Variants in DELE1 observed in about 807,000 individuals in gnomAD.
DELE1 encodes the protein DAP3 binding cell death enhancer 1, also known as death ligand signal enhancer.
In DELE1, 54 loss-of-function variants were observed where a neutral mutation model predicts 59.3. That is an observed-to-expected ratio of 0.91 (90% CI 0.73 to 1.14). The LOEUF is 1.14. DELE1 is among the 50% of genes most tolerant of loss of function. The pLI, the probability that DELE1 is intolerant of heterozygous loss-of-function variation, is 0.00. For missense variants in DELE1, 636 were observed against 643.9 expected, an observed-to-expected ratio of 0.99 and a Z score of 0.13; for synonymous variants, 264 against 259.1, an observed-to-expected ratio of 1.02 and a Z score of -0.18.
intron 11 of DELE1, 125 bp from the exon 12 acceptor site, chr5:141,938,396 A>G (rs1752533954): frequency 1.4e-6 from 2 of 1,432,944 alleles, no homozygotes; most frequent in African/African-American, 1.4e-5. Flanking sequence ...CTGCTCACTC[A>G]TGAGTCACTG....
Position 141,925,848 on chromosome 5 carries a change from T to A in DELE1, c.264+321T>A, listed in dbSNP as rs1457611697. ...TTACAATAAATAATAATACATTGCA[T>A]CTTTTTTTTATTATTCATTTTTTTT... On this transcript the variant is annotated intron_variant, in intron 3 of 11. Transcript: ENST00000432126. Among the ~76,000 whole-genome samples the A allele has an allele frequency of 5.8e-5, 5 of 86,308 alleles. No individual in the cohort carries two copies. In the South Asian group the frequency reaches 2.5e-3, roughly 43 times the overall value. The allele number at this position is 86,308 out of a possible 152,430, so 56.6% of individuals were successfully genotyped here. A position where few individuals can be genotyped will look rare whatever the true frequency, so the allele number is the denominator to read the frequency against.
At chr5:141,925,646 C>T (rs753656209) in intron 3 of DELE1, 119 bp downstream of exon 3, 1 of 562,050 alleles carries the variant, frequency 1.8e-6, no homozygotes, top group Non-Finnish European at 3.1e-6. Context: ...AACAAGTAAC[C>T]CATGGTATTG....
chr5:141,929,555 C>T, intron 4 of DELE1, 27 bp from the exon 5 acceptor site: 1 of 1,610,222 alleles, frequency 6.2e-7, no homozygotes. Context: ...TGGCCCAGAC[C>T]TGACTACTCT....
intron 10 of DELE1, among the ~76,000 whole-genome samples, chr5:141,936,633 C>T (rs1425259375): frequency 2.6e-5 from 4 of 152,294 alleles, no homozygotes; most frequent in African/African-American, 9.6e-5. Context: ...CGGGGTTTCA[C>T]TATGTTGGGC....
rs763047389 is a variant in DELE1, at chr5:141,938,567, C to T, written c.1356C>T (p.Ser452=). 1 of 1,614,142 alleles carries T rather than the reference C, an allele frequency of 6.2e-7. No individual in the cohort carries two copies. Among genetic ancestry groups the T allele is most frequent in the South Asian group, 1.1e-5 (1 of 91,078 alleles). ...CAGTTACAGGACTGAAGTCTTTCTCCAGCCCCTCCCTCTGCAGCTTGAACA... is the reference window on the plus strand; with the variant it reads ...CAGTTACAGGACTGAAGTCTTTCTCTAGCCCCTCCCTCTGCAGCTTGAACA... The part of the protein sequence containing the change: ...DLTVTGLKSF[S]SPSLCSLNTL... Residue 452 remains serine, a synonymous_variant, in exon 12 of 12, where the codon TCC becomes TCT. Coordinates refer to ENST00000432126, the MANE Select transcript of DELE1 (RefSeq NM_014773.5).
In DELE1 at chr5:141,940,056, T is replaced by G; in HGVS notation, c.*1297T>G. ...GTAAATGTAGATTGAATGCTAGGAG[T>G]CTTAAAGCTGGAGAGTATAGATTTT... On this transcript the variant is annotated 3_prime_UTR_variant, in exon 12 of 12. Coordinates refer to ENST00000432126, the MANE Select transcript of DELE1 (RefSeq NM_014773.5). 1 of 985,224 alleles carries G rather than the reference T, an allele frequency of 1.0e-6. No individual in the cohort carries two copies. The highest frequency in any genetic ancestry group is 1.2e-6 in the Non-Finnish European group (1 of 829,832). 61.0% of individuals were successfully genotyped at this position (985,224 alleles called of 1,614,324 possible).
chr5:141,928,381 A>G, intron 4 of DELE1, 83 bp downstream of exon 4: 2 of 1,460,572 alleles, frequency 1.4e-6, no homozygotes, highest in Non-Finnish European at 9.2e-7. Flanking sequence ...ACCTCAGGAA[A>G]AGAGCCATCA....
At chr5:141,937,464 G>C in intron 11 of DELE1, 107 bp downstream of exon 11, 1 of 1,336,532 alleles carries the variant, frequency 7.5e-7, no homozygotes. Flanking sequence ...TCCAACCCCA[G>C]TGGTGGCTAA....
chr5:141,933,810 T>A (rs1459050096), intron 8 of DELE1: 1 of 157,860 alleles, frequency 6.3e-6, no homozygotes, highest in Non-Finnish European at 1.4e-5. Context: ...CTTAAAATGA[T>A]GTGCTAGATC....
chr5:141,941,679 T>C lies in DELE1; in HGVS notation c.*2920T>C, dbSNP rs1194824570. The C allele has an allele frequency of 1.0e-6, 1 of 985,262 alleles. No individual in the cohort carries two copies. Among genetic ancestry groups the C allele is most frequent in the South Asian group, 4.7e-5 (1 of 21,284 alleles). 61.0% of individuals were successfully genotyped at this position (985,262 alleles called of 1,614,324 possible). ...TTGTGGGAAGCTCTACTGCCTCAGTTTCCCTATCCGGAGATGCTGTTTTCA... is the reference window on the plus strand; with the variant it reads ...TTGTGGGAAGCTCTACTGCCTCAGTCTCCCTATCCGGAGATGCTGTTTTCA... On this transcript the variant is annotated 3_prime_UTR_variant, in exon 12 of 12. Coordinates refer to ENST00000432126, the MANE Select transcript of DELE1 (RefSeq NM_014773.5).
At chr5:141,936,711 G>T (rs946588753) in intron 10 of DELE1, 7 of 218,634 alleles carry the variant, frequency 3.2e-5, no homozygotes, top group African/African-American at 1.6e-4. Flanking sequence ...GGGATTACAG[G>T]TGTGAGCCAC....
chr5:141,933,111 A>ATATATATATATATATATATAT (rs1268090286), intron 7 of DELE1, 148 bp from the exon 8 acceptor site: 1 of 94,430 alleles, frequency 1.1e-5, no homozygotes, highest in Non-Finnish European at 2.0e-5. Context: ...AAAAAAAAAA[A>ATATATATATATATATATATAT]ATATATATAT....
In DELE1 at chr5:141,930,062, C is replaced by T. The variant is rs773052391; in HGVS notation, c.645C>T (p.Pro215=). 1.7e-5 allele frequency: 28 copies of T among 1,614,064 alleles called. No individual in the cohort carries two copies. The South Asian group carries it at 2.7e-4, about 16-fold the overall frequency. Residue 215 remains proline, a synonymous_variant, in exon 6 of 12, where the codon CCC becomes CCT. Transcript: ENST00000432126. ...ESEAKPAQPQ[P]TGEKEQDKSK... ...AGGCAAAACCAGCCCAGCCTCAGCC[C>T]ACTGGTGAAAAGGTATTATCCAGAT... is the stretch of plus-strand genomic sequence containing the variant.
At position 141,928,271 on chromosome 5, in the gene DELE1, T is replaced by G. The variant is rs1475944244; in HGVS notation, c.385T>G (p.Ser129Ala). ...SWHSPLDRFF[S>A]SPLWHPCSSL... ...GCACAGTCCCCTGGACCGTTTCTTC[T>G]CATCTCCCTTGTGGCACCCATGCTC... The change falls in exon 4 of 12, where the codon TCA becomes GCA. Residue 129 changes from serine (S) to alanine (A), a missense_variant. Transcript: ENST00000432126. The G allele has an allele frequency of 6.2e-7, 1 of 1,614,050 alleles. No homozygotes were observed. The highest frequency in any genetic ancestry group is 1.3e-5 in the African/African-American group (1 of 74,938).
rs777380049 is a variant in DELE1, at chr5:141,933,332, C to T, written c.828C>T (p.Tyr276=). ...SYFQKAAARG[Y]SKAQYNAGLC... ...TCCAGAAAGCTGCAGCCCGCGGCTA[C>T]AGCAAAGCGCAGTACAATGCGGGCT... The change falls in exon 8 of 12, where the codon TAC becomes TAT. Residue 276 remains tyrosine (Y), a synonymous_variant. Transcript: ENST00000432126. 8 of 1,565,826 alleles carry T rather than the reference C, an allele frequency of 5.1e-6. No individual in the cohort carries two copies. The South Asian group carries it at 5.8e-5, about 11-fold the overall frequency.
chr5:141,930,331 G>A, intron 7 of DELE1, 57 bp downstream of exon 7: 3 of 1,267,096 alleles, frequency 2.4e-6, no homozygotes, highest in Non-Finnish European at 3.4e-6. Context: ...AAGGGTATGG[G>A]GTAGCTCAGA....
In DELE1 at chr5:141,937,377, C is replaced by A. The variant is rs775695562; in HGVS notation, c.1309+20C>A. 6.2e-7 allele frequency: 1 copy of A among 1,612,736 alleles called. No individual in the cohort carries two copies. On this transcript the variant is annotated intron_variant, in intron 11 of 11. Transcript: ENST00000432126. ...CTGCAGGTACAGACCCAAGTCCAAGCCAACAGGTTCATTCCCTGAGCTCAG... is the reference window on the plus strand; with the variant it reads ...CTGCAGGTACAGACCCAAGTCCAAGACAACAGGTTCATTCCCTGAGCTCAG...
In DELE1 at chr5:141,928,242, C is replaced by T; in HGVS notation, c.356C>T (p.Ser119Phe). 3.1e-6 allele frequency: 5 copies of T among 1,614,236 alleles called. No individual in the cohort carries two copies. The highest frequency in any genetic ancestry group is 4.2e-6 in the Non-Finnish European group (5 of 1,180,034). The stretch of plus-strand genomic sequence containing the variant: ...GGACCTCAGCGGGTAGAACACTGCT[C>T]CTGGCACAGTCCCCTGGACCGTTTC... Reference protein sequence around the residue: ...PAGPQRVEHCSWHSPLDRFFS... With the variant: ...PAGPQRVEHCFWHSPLDRFFS... The change falls in exon 4 of 12, where the codon TCC becomes TTC. Residue 119 changes from serine (S) to phenylalanine (F), a missense_variant. Transcript: ENST00000432126.
At chr5:141,936,779 T>TC (rs1752394610) in intron 10 of DELE1, 18 of 718,166 alleles carry the variant, frequency 2.5e-5, no homozygotes, top group Non-Finnish European at 2.6e-5. Flanking sequence ...CTGTCAGCCC[T>TC]CCCAGGCAGA....
Sources: gnomAD v4.1 joint callset for allele counts (sites outside exome capture counted in the v4.1 genomes callset) on GRCh38, gnomAD v4.1.1 for gene constraint, MANE v1.5 for transcripts, NCBI Gene and HGNC (gene_info 2026-07-23, HGNC 2026-07-21) for gene names.